Variants in SEC14L1 observed in about 807,000 individuals in gnomAD.
SEC14L1 encodes SEC14 like lipid binding 1.
A neutral mutation model predicts 85.3 loss-of-function variants in SEC14L1; 48 were observed. The ratio of observed to expected loss-of-function variants is 0.56; its 90% CI spans 0.45 to 0.72. The LOEUF (loss-of-function observed/expected upper bound fraction) is 0.72, where lower values mean the gene tolerates loss of function less well. Among genes scored for constraint, SEC14L1 ranks in the 30% least tolerant of loss-of-function variants. The pLI, the probability that SEC14L1 is intolerant of heterozygous loss-of-function variation, is 0.00. For missense variants in SEC14L1, 682 were observed against 921.4 expected (o/e 0.74, Z 3.36); for synonymous variants, 391 against 355.5 (o/e 1.10, Z -1.12).
chr17:77,162,338 AC>A (rs1567902944), intron 3 of SEC14L1, among the ~76,000 whole-genome samples: 2 of 152,138 alleles, frequency 1.3e-5, no homozygotes, highest in Admixed American at 6.5e-5. Context: ...AATATGGGCA[AC>A]CCTTCAGTGC....
intron 3 of SEC14L1, among the ~76,000 whole-genome samples, chr17:77,116,059 C>T (rs1264513228): frequency 6.6e-6 from 1 of 151,862 alleles, no homozygotes; most frequent in Non-Finnish European, 1.5e-5. Flanking sequence ...GTTGGGACTA[C>T]AGGTGCACAC....
intron 3 of SEC14L1, among the ~76,000 whole-genome samples, chr17:77,169,898 A>T (rs943142139): frequency 2.0e-5 from 3 of 152,280 alleles, no homozygotes; most frequent in Middle Eastern, 3.4e-3. Flanking sequence ...AGTGAATGTA[A>T]GGCTTTAGAT....
intron 3 of SEC14L1, among the ~76,000 whole-genome samples, chr17:77,109,786 C>G (rs1972008356): frequency 6.6e-6 from 1 of 152,148 alleles, no homozygotes; most frequent in Non-Finnish European, 1.5e-5. Context: ...AACAGTCTAC[C>G]AGTACTTAGC....
intron 3 of SEC14L1, among the ~76,000 whole-genome samples, chr17:77,122,385 T>G (rs1972324110): frequency 6.6e-6 from 1 of 151,742 alleles, no homozygotes; most frequent in African/African-American, 2.4e-5. Context: ...CACTGTAGCC[T>G]CAACTTTCCG....
chr17:77,148,887 G>T (rs1390825206), intron 3 of SEC14L1, among the ~76,000 whole-genome samples: 2 of 152,198 alleles, frequency 1.3e-5, no homozygotes, highest in Non-Finnish European at 2.9e-5. Flanking sequence ...GCTGTGTTCT[G>T]CCTGGTCCGT....
chr17:77,162,971 A>G (rs1054459064), intron 3 of SEC14L1, among the ~76,000 whole-genome samples: 7 of 152,144 alleles, frequency 4.6e-5, no homozygotes, highest in Admixed American at 2.0e-4. Context: ...AAAACACTTA[A>G]AGCTATTTAG....
At chr17:77,166,696 A>T (rs150171263) in intron 3 of SEC14L1, among the ~76,000 whole-genome samples, 15 of 152,188 alleles carry the variant, frequency 9.9e-5, no homozygotes, top group Middle Eastern at 3.4e-3. Context: ...AAAATTAGCC[A>T]GGCTGGGTGG....
intron 3 of SEC14L1, among the ~76,000 whole-genome samples, chr17:77,100,331 C>G (rs1971741134): frequency 6.6e-6 from 1 of 151,108 alleles, no homozygotes; most frequent in Admixed American, 6.6e-5. Flanking sequence ...CCGCCCTGCG[C>G]TGCAGTGTGT....
In SEC14L1 at chr17:77,175,485, A is replaced by G. The variant is rs375049620; in HGVS notation, c.64-15318A>G. Among the ~76,000 whole-genome samples the G allele has an allele frequency of 6.8e-4, 103 of 152,354 alleles. 1 individual carries two copies. The Middle Eastern group carries it at 0.014, about 20-fold the overall frequency. Reference sequence around the variant, plus strand: ...CTCAGGATTGCACATAACTGTTGCTATGCAACCCAGATGTCCGTTATCTGT... The same window carrying G: ...CTCAGGATTGCACATAACTGTTGCTGTGCAACCCAGATGTCCGTTATCTGT... On this transcript the variant is annotated intron_variant, in intron 3 of 16. Transcript: ENST00000436233.
chr17:77,169,372 T>C (rs1354495700), intron 3 of SEC14L1, among the ~76,000 whole-genome samples: 1 of 151,538 alleles, frequency 6.6e-6, no homozygotes, highest in Non-Finnish European at 1.5e-5. Flanking sequence ...AATGAGAGAG[T>C]CTTGCATGCT....
rs1295137407 is a variant in SEC14L1, at chr17:77,213,433, C to A, written c.1983C>A (p.Val661=). 2 of 1,612,978 alleles carry A rather than the reference C, an allele frequency of 1.2e-6. No homozygotes were observed. Among genetic ancestry groups the A allele is most frequent in the African/African-American group, 2.7e-5 (2 of 74,942 alleles). The part of the protein sequence containing the change: ...RVDDVLASLQ[V]SSHKCKVMYY... ...ACGACGTGCTTGCGTCCCTGCAGGT[C>A]TCTTCGCACAAGTGTAAAGTGATGT... The change falls in exon 16 of 17, where the codon GTC becomes GTA. Residue 661 remains valine (V), a synonymous_variant. Transcript: ENST00000436233. This position sits in a 1 kb window ranked among gnomAD's most constrained non-coding sequence, Gnocchi z 7.1.
chr17:77,114,836 CAAAAAAAAAAA>C (rs35413326), intron 3 of SEC14L1, among the ~76,000 whole-genome samples: 2 of 66,836 alleles, frequency 3.0e-5, no homozygotes, highest in Admixed American at 1.7e-4. Flanking sequence ...ACTTCATCTC[CAAAAAAAAAAA>C]AAAAAAAAAA....
Position 77,196,279 on chromosome 17 carries a change from C to A in SEC14L1, c.787C>A (p.Arg263Ser), listed in dbSNP as rs143538717. 3.1e-6 allele frequency: 5 copies of A among 1,613,834 alleles called. No individual in the cohort carries two copies. The African/African-American group carries it at 5.3e-5, about 17-fold the overall frequency. Residue 263 changes from arginine to serine, a missense_variant, in exon 8 of 17, where the codon CGC becomes AGC. By Grantham distance (110) the Arg-to-Ser change is moderately radical. Around this residue, in one of 3 missense-constraint regions of SEC14L1, gnomAD observed 420 missense variants for 619.5 expected, o/e 0.68. Transcript: ENST00000436233. The part of the protein sequence containing the change: ...PLQESCLIRL[R>S]QWLQETHKGK... The stretch of plus-strand genomic sequence containing the variant: ...GCAGGAGAGCTGCCTCATTAGACTT[C>A]GCCAGTGGCTCCAGGAGACCCACAA...
chr17:77,121,646 C>T (rs527344796), intron 3 of SEC14L1, among the ~76,000 whole-genome samples: 9 of 152,210 alleles, frequency 5.9e-5, no homozygotes, highest in Middle Eastern at 3.4e-3. Context: ...CGTGAGCCAC[C>T]GCACCCGGCC....
Position 77,204,527 on chromosome 17 carries a change from T to A in SEC14L1, c.1099-749T>A, listed in dbSNP as rs923230570. 8.6e-3 allele frequency among the ~76,000 whole-genome samples: 1,212 copies of A among 141,630 alleles called. 28 individuals carry two copies. Among genetic ancestry groups the A allele is most frequent in the African/African-American group, 0.03 (1,128 of 37,668 alleles). The allele number at this position is 141,630 out of a possible 152,430, so 92.9% of individuals were successfully genotyped here. ...GAGCCACCCTGCCCAGCCAGCTTTT[T>A]TTTTTTTTTTTTTTTTTTTTTTAAA... On this transcript the variant is annotated intron_variant, in intron 10 of 16. Coordinates refer to ENST00000436233, the MANE Select transcript of SEC14L1 (RefSeq NM_001143998.2).
At chr17:77,108,327 C>G (rs1200253456) in intron 3 of SEC14L1, among the ~76,000 whole-genome samples, 2 of 152,284 alleles carry the variant, frequency 1.3e-5, no homozygotes, top group Non-Finnish European at 2.9e-5. Context: ...TTGCTACAGA[C>G]CTGGGTCCAG....
At chr17:77,187,357 C>T (rs1044016834) in intron 3 of SEC14L1, among the ~76,000 whole-genome samples, 4 of 151,540 alleles carry the variant, frequency 2.6e-5, no homozygotes, top group Non-Finnish European at 5.9e-5. Context: ...AGCCTAGATT[C>T]TTACTACCCT....
intron 3 of SEC14L1, among the ~76,000 whole-genome samples, chr17:77,100,422 CTCTCTCTT>C (rs1323160736): frequency 4.9e-4 from 18 of 36,534 alleles, no homozygotes; most frequent in African/African-American, 3.4e-3. Flanking sequence ...CTTTCTCTCT[CTCTCTCTT>C]TTTTTTTTTT....
In SEC14L1 at chr17:77,092,925, G is replaced by A. The variant is rs1035599853; in HGVS notation, c.-239-319G>A. On this transcript the variant is annotated intron_variant, in intron 2 of 19. Coordinates refer to the SEC14L1 transcript ENST00000392476. ...ATCACGCCATTGCACACTCCAGCCT[G>A]GGCTAAAAAGAGTGAAACTCCGTCT... Among the ~76,000 whole-genome samples the A allele has an allele frequency of 8.9e-5, 13 of 146,192 alleles. No homozygotes were observed. In the South Asian group the frequency reaches 1.9e-3, roughly 22 times the overall value.
Sources: gnomAD v4.1 joint callset for allele counts (sites outside exome capture counted in the v4.1 genomes callset) on GRCh38, gnomAD v4.1.1 for gene constraint, gnomAD v4.1.1 regional missense constraint, Gnocchi (gnomAD v3.1) non-coding constraint, MANE v1.5 for transcripts, NCBI Gene and HGNC (gene_info 2026-07-23, HGNC 2026-07-21) for gene names.